KDM1B: variants seen among roughly 807,000 people sequenced by gnomAD.
The protein encoded by KDM1B is lysine-specific histone demethylase 2.
Under a neutral mutation model 107.4 loss-of-function variants are expected in KDM1B, and 63 were observed. The ratio of observed to expected loss-of-function variants is 0.59; its 90% CI spans 0.48 to 0.72. The LOEUF is 0.72. Ranked by LOEUF, KDM1B falls within the 30% of genes least tolerant of loss-of-function variation. The pLI, the probability that KDM1B is intolerant of heterozygous loss-of-function variation, is 0.00. For missense variants in KDM1B, 749 were observed against 1,020.8 expected, an observed-to-expected ratio of 0.73 and a Z score of 3.63; for synonymous variants, 363 against 363.9, an observed-to-expected ratio of 1.00 and a Z score of 0.03.
rs144833245 is a variant in KDM1B at position 18,186,879 on chromosome 6, A to G, written c.574-913A>G. Among the ~76,000 whole-genome samples, 133 of 152,178 alleles carry G rather than the reference A, an allele frequency of 8.7e-4. No individual in the cohort carries two copies. Among genetic ancestry groups the G allele is most frequent in the African/African-American group, 3.0e-3 (126 of 41,522 alleles). On this transcript the variant is annotated intron_variant, in intron 8 of 21. Coordinates refer to ENST00000650836, the MANE Select transcript of KDM1B (RefSeq NM_001364614.2). The surrounding 1 kb of genome is among the most constrained non-coding windows in gnomAD (Gnocchi z 5.6). ...AATTACCTCCTACCAGCTCCCTGCC[A>G]TGACACATGGGGATTATAGGAACTA...
At chr6:18,181,990 T>C (rs1031350583) in intron 7 of KDM1B, among the ~76,000 whole-genome samples, 1 of 152,218 alleles carries the variant, frequency 6.6e-6, no homozygotes, top group African/African-American at 2.4e-5. Context: ...CTCTGACTTA[T>C]ATGTTTATGT....
At position 18,205,199 on chromosome 6, in the gene KDM1B, A is replaced by G. The variant is rs940729557; in HGVS notation, c.1532-338A>G. ...TGCATGTACATCTATGTGTGGGGAC[A>G]GTTTTTCTGTATCTTGAGCAAAAGA... On this transcript the variant is annotated intron_variant, in intron 14 of 21. Transcript: ENST00000650836. The surrounding 1 kb of genome is among the most constrained non-coding windows in gnomAD (Gnocchi z 5.7). Among the ~76,000 whole-genome samples, 7 of 152,198 alleles carry G rather than the reference A, an allele frequency of 4.6e-5. No homozygotes were observed. The highest frequency in any genetic ancestry group is 1.7e-4 in the African/African-American group (7 of 41,444).
intron 20 of KDM1B, among the ~76,000 whole-genome samples, chr6:18,217,416 T>C (rs1789327213): frequency 6.6e-6 from 1 of 150,630 alleles, no homozygotes; most frequent in East Asian, 2.0e-4. Flanking sequence ...TCTGGCTCTG[T>C]TGCCCAGGCT....
At chr6:18,219,511 A>G (rs1358264027) in intron 21 of KDM1B, among the ~76,000 whole-genome samples, 1 of 152,028 alleles carries the variant, frequency 6.6e-6, no homozygotes, top group African/African-American at 2.4e-5. Flanking sequence ...CTTTTACTTT[A>G]TGAGCACTTT....
At chr6:18,187,691 A>T in intron 8 of KDM1B, 101 bp from the exon 9 acceptor site, 1 of 767,412 alleles carries the variant, frequency 1.3e-6, no homozygotes, top group Non-Finnish European at 2.2e-6. Context: ...ATAGCGGGTT[A>T]AGGACAAGTG....
At chr6:18,187,751 G>A (rs544143766) in intron 8 of KDM1B, 41 bp from the exon 9 acceptor site, 5 of 1,330,658 alleles carry the variant, frequency 3.8e-6, no homozygotes, top group Middle Eastern at 1.8e-4. Flanking sequence ...TACATTTCTT[G>A]TCTGTCCTTG....
chr6:18,209,803 C>A lies in KDM1B; in HGVS notation c.1866+1597C>A, dbSNP rs562908225. On this transcript the variant is annotated intron_variant, in intron 17 of 21. Coordinates refer to ENST00000650836, the MANE Select transcript of KDM1B (RefSeq NM_001364614.2). The surrounding 1 kb of genome is among the most constrained non-coding windows in gnomAD (Gnocchi z 4.3). ...TGTTTTTAAAGCTTCTCAAGTGATTCCAGTGTGCAGCCGTGGTTGAGAACC... is the reference window on the plus strand; with the variant it reads ...TGTTTTTAAAGCTTCTCAAGTGATTACAGTGTGCAGCCGTGGTTGAGAACC... Among the ~76,000 whole-genome samples, 11 of 152,110 alleles carry A rather than the reference C, an allele frequency of 7.2e-5. No individual in the cohort carries two copies. Among genetic ancestry groups the A allele is most frequent in the African/African-American group, 2.4e-4 (10 of 41,416 alleles).
Position 18,180,043 on chromosome 6 carries a change from T to C in KDM1B, c.535-5729T>C, listed in dbSNP as rs572811937. On this transcript the variant is annotated intron_variant, in intron 7 of 21. Transcript: ENST00000650836. ...TGTGCTTCACTAATTTTTGTATTTTTTTTTTTTTTTAATAGAGACGGGGTT... is the reference window on the plus strand; with the variant it reads ...TGTGCTTCACTAATTTTTGTATTTTCTTTTTTTTTTAATAGAGACGGGGTT... Among the ~76,000 whole-genome samples, 9 of 150,908 alleles carry C rather than the reference T, an allele frequency of 6.0e-5. No individual in the cohort carries two copies. In the East Asian group the frequency reaches 1.7e-3, roughly 29 times the overall value.
At chr6:18,161,816 T>A (rs1784991260) in intron 4 of KDM1B, among the ~76,000 whole-genome samples, 1 of 152,180 alleles carries the variant, frequency 6.6e-6, no homozygotes, top group Non-Finnish European at 1.5e-5. Context: ...TACTTTTCGT[T>A]GTGTTTTTCT....
rs1457068187 is a variant in KDM1B, at chr6:18,222,081, A to C, written c.*89A>C. The C allele has an allele frequency of 8.8e-7, 1 of 1,132,736 alleles. No individual in the cohort carries two copies. Among genetic ancestry groups the C allele is most frequent in the East Asian group, 2.4e-5 (1 of 42,510 alleles). The allele number at this position is 1,132,736 out of a possible 1,614,324, so 70.2% of individuals were successfully genotyped here. On this transcript the variant is annotated 3_prime_UTR_variant, in exon 22 of 22. Coordinates refer to ENST00000650836, the MANE Select transcript of KDM1B (RefSeq NM_001364614.2). ...CTCAGTTTTATAAGAGGGGGAAAAA[A>C]CCGTCTCTACATAGTAAAACTGAAA...
In KDM1B at chr6:18,186,333, A is replaced by G. The variant is rs1451333252; in HGVS notation, c.573+523A>G. Among the ~76,000 whole-genome samples the G allele has an allele frequency of 6.6e-6, 1 of 152,182 alleles. No homozygotes were observed. Among genetic ancestry groups the G allele is most frequent in the Non-Finnish European group, 1.5e-5 (1 of 68,028 alleles). On this transcript the variant is annotated intron_variant, in intron 8 of 21. Transcript: ENST00000650836. This position sits in a 1 kb window ranked among gnomAD's most constrained non-coding sequence, Gnocchi z 5.6. ...TCCTCTGTTTTCATAAGACTTTGCTACCTGAGTTGACAAACTTCAGTGTAC... is the reference window on the plus strand; with the variant it reads ...TCCTCTGTTTTCATAAGACTTTGCTGCCTGAGTTGACAAACTTCAGTGTAC...
rs1300676326 is a variant in KDM1B, at chr6:18,200,361, CCTT to C, written c.1222-75_1222-73del. The stretch of plus-strand genomic sequence containing the variant: ...AAATATAGAGGCTATTTAACAGTGT[CCTT>C]CTACATTTTTATAATACTGTGTCTG... On this transcript the variant is annotated intron_variant, in intron 12 of 21. Coordinates refer to ENST00000650836, the MANE Select transcript of KDM1B (RefSeq NM_001364614.2). The surrounding 1 kb of genome is among the most constrained non-coding windows in gnomAD (Gnocchi z 4.3). The C allele has an allele frequency of 9.0e-6, 12 of 1,340,404 alleles. No individual in the cohort carries two copies. The highest frequency in any genetic ancestry group is 8.8e-5 in the Admixed American group (4 of 45,240). The allele number at this position is 1,340,404 out of a possible 1,614,324, so 83.0% of individuals were successfully genotyped here.
At chr6:18,192,734 G>A (rs561091799) in intron 10 of KDM1B, among the ~76,000 whole-genome samples, 3 of 130,184 alleles carry the variant, frequency 2.3e-5, no homozygotes, top group Non-Finnish European at 4.7e-5. Flanking sequence ...GTGAGATCCC[G>A]TCTCAAAAAA....
chr6:18,215,043 G>C lies in KDM1B; in HGVS notation c.2146G>C (p.Glu716Gln), dbSNP rs766339921. ...CGTGCTGATGTCTGTGATTGCCGGG[G>C]AGGCTGTCGCATCCGTGAGGACCCT... ...HSVLMSVIAG[E>Q]AVASVRTLDD... The change falls in exon 20 of 22, where the codon GAG becomes CAG. Residue 716 changes from glutamate to glutamine, a missense_variant. Transcript: ENST00000650836. 4 of 1,614,070 alleles carry C rather than the reference G, an allele frequency of 2.5e-6. No homozygotes were observed. Among genetic ancestry groups the C allele is most frequent in the Non-Finnish European group, 3.4e-6 (4 of 1,179,992 alleles).
chr6:18,176,638 G>T (rs1331288443), intron 7 of KDM1B, among the ~76,000 whole-genome samples: 1 of 152,092 alleles, frequency 6.6e-6, no homozygotes, highest in Non-Finnish European at 1.5e-5. Context: ...CTTGTATGCC[G>T]ATTTTGCTGA....
intron 21 of KDM1B, among the ~76,000 whole-genome samples, chr6:18,218,179 G>A (rs1789394563): frequency 6.6e-6 from 1 of 152,058 alleles, no homozygotes; most frequent in South Asian, 2.1e-4. Flanking sequence ...GGAGTGCAGT[G>A]GTACAGTCCT....
intron 10 of KDM1B, among the ~76,000 whole-genome samples, chr6:18,193,004 C>A (rs1474952523): frequency 6.6e-6 from 1 of 151,440 alleles, no homozygotes; most frequent in African/African-American, 2.4e-5. Context: ...ACCAGCCTGG[C>A]CAACATGGCA....
chr6:18,222,472 T>G lies in KDM1B; in HGVS notation c.*480T>G. On this transcript the variant is annotated 3_prime_UTR_variant, in exon 22 of 22. Coordinates refer to ENST00000650836, the MANE Select transcript of KDM1B (RefSeq NM_001364614.2). ...TTTTTATATAGGTCCAATATTGAGC[T>G]TTTACTTAAAATTTAGATAGAACTT... The G allele has an allele frequency of 4.9e-6, 1 of 204,292 alleles. No homozygotes were observed. The highest frequency in any genetic ancestry group is 1.0e-5 in the Non-Finnish European group (1 of 98,702). 12.7% of individuals were successfully genotyped at this position (204,292 alleles called of 1,614,324 possible). A position where few individuals can be genotyped will look rare whatever the true frequency, so the allele number is the denominator to read the frequency against.
At chr6:18,175,091 T>C (rs1272415831) in intron 7 of KDM1B, among the ~76,000 whole-genome samples, 1 of 152,152 alleles carries the variant, frequency 6.6e-6, no homozygotes, top group Non-Finnish European at 1.5e-5. Context: ...TGTACTAGTT[T>C]ACATTCCCAC....
Sources: gnomAD v4.1 joint callset for allele counts (sites outside exome capture counted in the v4.1 genomes callset) on GRCh38, gnomAD v4.1.1 for gene constraint, Gnocchi (gnomAD v3.1) non-coding constraint, MANE v1.5 for transcripts, NCBI Gene and HGNC (gene_info 2026-07-23, HGNC 2026-07-21) for gene names.